The following DOCK1 variants were observed in gnomAD, a reference collection of about 807,000 sequenced individuals.
DOCK1 encodes dedicator of cytokinesis 1.
A neutral mutation model predicts 262.7 loss-of-function variants in DOCK1; 138 were observed. The observed-to-expected ratio is 0.53, with a 90% CI of 0.46 to 0.61. The LOEUF (loss-of-function observed/expected upper bound fraction) is 0.61. DOCK1 is among the 20% of genes least tolerant of loss of function. DOCK1 has a pLI of 0.00. For missense variants in DOCK1, 1,908 were observed against 2,370.7 expected, an observed-to-expected ratio of 0.80 and a Z score of 4.05; for synonymous variants, 866 against 867.4, an observed-to-expected ratio of 1.00 and a Z score of 0.03.
At chr10:127,307,072 A>G (rs2061903616) in intron 29 of DOCK1, among the ~76,000 whole-genome samples, 1 of 152,196 alleles carries the variant, frequency 6.6e-6, no homozygotes, top group Non-Finnish European at 1.5e-5. Flanking sequence ...ACTTCTCAAT[A>G]TATTACTTTG....
chr10:127,037,367 C>G (rs1360875670), intron 18 of DOCK1, among the ~76,000 whole-genome samples: 1 of 152,228 alleles, frequency 6.6e-6, no homozygotes, highest in Non-Finnish European at 1.5e-5. Flanking sequence ...GTATCCAGTG[C>G]CTGGGCAGCG....
Position 126,990,680 on chromosome 10 carries a change from A to T in DOCK1, c.473+77A>T, listed in dbSNP as rs2039726729. On this transcript the variant is annotated intron_variant, in intron 6 of 51. Coordinates refer to ENST00000623213, the MANE Select transcript of DOCK1 (RefSeq NM_001290223.2). Reference sequence around the variant, plus strand: ...ATCACTATAAGTCTTCAGGAGACCAAGATCATATTTTATCATAAAACAAAA... The same window carrying T: ...ATCACTATAAGTCTTCAGGAGACCATGATCATATTTTATCATAAAACAAAA... 9 of 1,481,104 alleles carry T rather than the reference A, an allele frequency of 6.1e-6. No individual in the cohort carries two copies. The South Asian group carries it at 1.3e-4, about 21-fold the overall frequency. The allele number at this position is 1,481,104 out of a possible 1,614,324, so 91.7% of individuals were successfully genotyped here. A position where few individuals can be genotyped will look rare whatever the true frequency, so the allele number is the denominator to read the frequency against.
At chr10:127,088,527 C>A (rs1252269226) in intron 23 of DOCK1, among the ~76,000 whole-genome samples, 1 of 152,146 alleles carries the variant, frequency 6.6e-6, no homozygotes, top group Non-Finnish European at 1.5e-5. Flanking sequence ...GTTTCTGTTA[C>A]TGTCTCTGAA....
chr10:127,040,522 C>T (rs377564725), intron 19 of DOCK1, among the ~76,000 whole-genome samples: 2 of 152,140 alleles, frequency 1.3e-5, no homozygotes, highest in African/African-American at 2.4e-5. Context: ...AGGAGGCGGG[C>T]GAGGCTGTTG....
intron 21 of DOCK1, among the ~76,000 whole-genome samples, chr10:127,052,212 C>T (rs113416652): frequency 9.5e-4 from 145 of 152,316 alleles, no homozygotes; most frequent in African/African-American, 3.4e-3. Flanking sequence ...GGTATTTTAT[C>T]AGGCACATTT....
chr10:127,439,257 C>A, intron 49 of DOCK1, 32 bp downstream of exon 49: 1 of 1,582,518 alleles, frequency 6.3e-7, no homozygotes, highest in Non-Finnish European at 8.6e-7. Context: ...CCTCGCTCTG[C>A]GGTAGCTTCA....
chr10:126,999,421 C>A lies in DOCK1; in HGVS notation c.835C>A (p.Arg279=). Residue 279 remains arginine, a synonymous_variant, in exon 9 of 52, where the codon CGA becomes AGA. Coordinates refer to ENST00000623213, the MANE Select transcript of DOCK1 (RefSeq NM_001290223.2). ...AGACATAGACAGATTACATAATTTG[C>A]GAGCCGTGTTTACTGTAAGTGCACC... is the stretch of plus-strand genomic sequence containing the variant. ...PKDIDRLHNL[R]AVFTDLGSKD... 1 of 1,612,606 alleles carries A rather than the reference C, an allele frequency of 6.2e-7. No individual in the cohort carries two copies. Among genetic ancestry groups the A allele is most frequent in the East Asian group, 2.2e-5 (1 of 44,868 alleles).
rs999067570 is a variant in DOCK1 at position 127,012,663 on chromosome 10, C to T, written c.1201+289C>T. 1.1e-4 allele frequency among the ~76,000 whole-genome samples: 17 copies of T among 152,288 alleles called. No individual in the cohort carries two copies. The highest frequency in any genetic ancestry group is 3.6e-4 in the African/African-American group (15 of 41,568). ...GGCGGTAGGCGTAACTCCCTCTGCC[C>T]GTGTTGTGTGCTAATCTTTGCCTGT... On this transcript the variant is annotated intron_variant, in intron 12 of 51. Coordinates refer to ENST00000623213, the MANE Select transcript of DOCK1 (RefSeq NM_001290223.2). This position sits in a 1 kb window ranked among gnomAD's most constrained non-coding sequence, Gnocchi z 4.0.
At chr10:127,156,693 C>T (rs974330517) in intron 27 of DOCK1, among the ~76,000 whole-genome samples, 10 of 151,624 alleles carry the variant, frequency 6.6e-5, no homozygotes, top group Non-Finnish European at 1.5e-4. Flanking sequence ...CTCAGCCTAC[C>T]GAGTAGCTGG....
At chr10:127,181,330 G>A (rs905123146) in intron 27 of DOCK1, among the ~76,000 whole-genome samples, 1 of 152,212 alleles carries the variant, frequency 6.6e-6, no homozygotes, top group African/African-American at 2.4e-5. Flanking sequence ...ATAGTCTGAA[G>A]GCAATTTTGT....
intron 1 of DOCK1, among the ~76,000 whole-genome samples, chr10:126,907,361 A>G (rs569299255): frequency 1.6e-3 from 239 of 152,254 alleles, no homozygotes; most frequent in African/African-American, 5.2e-3. Flanking sequence ...TTAGGTGCCC[A>G]TGGCCAGGGT....
In DOCK1 at chr10:127,431,209, G is replaced by C. The variant is rs953681765; in HGVS notation, c.4915-2074G>C. Among the ~76,000 whole-genome samples the C allele has an allele frequency of 2.6e-5, 4 of 152,310 alleles. No individual in the cohort carries two copies. The East Asian group carries it at 7.7e-4, about 29-fold the overall frequency. Reference sequence around the variant, plus strand: ...CTACTTTCAGTCACAGTGTCTGGCCGTGGAGTCCCACCTCCCAGGACTGGT... The same window carrying C: ...CTACTTTCAGTCACAGTGTCTGGCCCTGGAGTCCCACCTCCCAGGACTGGT... On this transcript the variant is annotated intron_variant, in intron 47 of 51. Coordinates refer to ENST00000623213, the MANE Select transcript of DOCK1 (RefSeq NM_001290223.2).
chr10:127,202,713 G>T (rs1479020336), intron 27 of DOCK1, among the ~76,000 whole-genome samples: 2 of 152,158 alleles, frequency 1.3e-5, no homozygotes, highest in Non-Finnish European at 2.9e-5. Context: ...GCAGGTACTC[G>T]GTCCATTGTG....
Position 126,990,572 on chromosome 10 carries a change from A to G in DOCK1, c.442A>G (p.Lys148Glu), listed in dbSNP as rs1565037687. ...PQDELKELKK[K>E]VTAKIDYGNR... Reference sequence around the variant, plus strand: ...GGATGAACTCAAAGAACTGAAGAAGAAGGTCACAGCCAAAATTGATTATGG... The same window carrying G: ...GGATGAACTCAAAGAACTGAAGAAGGAGGTCACAGCCAAAATTGATTATGG... Residue 148 changes from lysine to glutamate, a missense_variant, in exon 6 of 52, where the codon AAG (lysine) becomes GAG (glutamate). By Grantham distance (56) the Lys-to-Glu change is moderately conservative. Transcript: ENST00000623213. 6.2e-7 allele frequency: 1 copy of G among 1,613,694 alleles called. No individual in the cohort carries two copies. The highest frequency in any genetic ancestry group is 8.5e-7 in the Non-Finnish European group (1 of 1,179,848).
intron 2 of DOCK1, among the ~76,000 whole-genome samples, chr10:126,972,491 G>A (rs1343547496): frequency 2.6e-5 from 4 of 152,092 alleles, no homozygotes; most frequent in African/African-American, 9.7e-5. Flanking sequence ...TTCCCATATA[G>A]CATATGAATA....
At chr10:127,177,085 A>G (rs1406714209) in intron 27 of DOCK1, 1 of 152,048 alleles carries the variant, frequency 6.6e-6, no homozygotes, top group African/African-American at 2.4e-5. Context: ...TGCATCTACA[A>G]AGGCCATGTT....
intron 29 of DOCK1, among the ~76,000 whole-genome samples, chr10:127,271,046 A>C (rs1202007874): frequency 6.6e-6 from 1 of 150,648 alleles, no homozygotes. Flanking sequence ...CACATATATA[A>C]ATGTATCTGT....
At chr10:127,240,472 G>A (rs939307305) in intron 27 of DOCK1, among the ~76,000 whole-genome samples, 6 of 152,100 alleles carry the variant, frequency 3.9e-5, no homozygotes, top group Admixed American at 2.6e-4. Context: ...GTTCACTGAT[G>A]AGAATGGACA....
chr10:127,214,219 T>C (rs916702589), intron 27 of DOCK1, among the ~76,000 whole-genome samples: 5 of 152,122 alleles, frequency 3.3e-5, no homozygotes, highest in Non-Finnish European at 5.9e-5. Flanking sequence ...TGACAAATCA[T>C]TCAGTGGGCC....
Sources: gnomAD v4.1 joint callset for allele counts (sites outside exome capture counted in the v4.1 genomes callset) on GRCh38, gnomAD v4.1.1 for gene constraint, Gnocchi (gnomAD v3.1) non-coding constraint, MANE v1.5 for transcripts, NCBI Gene and HGNC (gene_info 2026-07-23, HGNC 2026-07-21) for gene names.